The following KCTD16 variants were observed in gnomAD, a reference collection of about 807,000 sequenced individuals.
The protein encoded by KCTD16 is BTB/POZ domain-containing protein KCTD16.
KCTD16 carries 13 observed loss-of-function variants against 33.2 expected under a neutral mutation model. That is an observed-to-expected ratio of 0.39 (90% CI 0.25 to 0.62). The LOEUF (loss-of-function observed/expected upper bound fraction) is 0.62. Among genes scored for constraint, KCTD16 ranks in the 20% least tolerant of loss-of-function variants. The probability of loss-of-function intolerance (pLI) is 0.50; values close to 1 mark genes in which losing one functional copy is unlikely to be tolerated. For missense variants in KCTD16, 441 were observed against 525.1 expected (o/e 0.84, Z 1.57); for synonymous variants, 197 against 195.3 (o/e 1.01, Z -0.07).
chr5:144,171,926 G>A (rs1340431315), intron 1 of KCTD16, among the ~76,000 whole-genome samples: 2 of 152,102 alleles, frequency 1.3e-5, no homozygotes, highest in Non-Finnish European at 2.9e-5. Context: ...ATTGTGACTC[G>A]AAATAAGATG....
intron 3 of KCTD16, among the ~76,000 whole-genome samples, chr5:144,429,740 A>G (rs1580958328): frequency 1.3e-5 from 2 of 152,096 alleles, no homozygotes; most frequent in African/African-American, 4.8e-5. Context: ...GAGGAGTGAT[A>G]TTGGGCAAAC....
At chr5:144,390,076 A>G (rs1046161713) in intron 3 of KCTD16, among the ~76,000 whole-genome samples, 11 of 152,220 alleles carry the variant, frequency 7.2e-5, no homozygotes, top group African/African-American at 2.7e-4. Context: ...ATGAGTCTTT[A>G]TCATTCATCT....
At chr5:144,211,687 A>C (rs1240180486) in intron 3 of KCTD16, among the ~76,000 whole-genome samples, 1 of 152,194 alleles carries the variant, frequency 6.6e-6, no homozygotes, top group Non-Finnish European at 1.5e-5. Context: ...CATTTTGAGT[A>C]AGGGATATTC....
intron 3 of KCTD16, among the ~76,000 whole-genome samples, chr5:144,311,709 C>T (rs1280862935): frequency 1.3e-5 from 2 of 151,982 alleles, no homozygotes; most frequent in Non-Finnish European, 2.9e-5. Context: ...AATACAACTA[C>T]AAATAAAAAT....
chr5:144,230,181 G>A (rs1030337544), intron 3 of KCTD16, among the ~76,000 whole-genome samples: 6 of 152,146 alleles, frequency 3.9e-5, no homozygotes, highest in African/African-American at 9.7e-5. Context: ...GCATTGCACT[G>A]TTTAATGTTC....
chr5:144,320,124 G>C (rs890080271), intron 3 of KCTD16, among the ~76,000 whole-genome samples: 3 of 152,076 alleles, frequency 2.0e-5, no homozygotes, highest in African/African-American at 7.2e-5. Flanking sequence ...ATAAAACCAG[G>C]TAACAGTCTC....
In KCTD16 at chr5:144,323,991, A is replaced by T. The variant is rs190660816; in HGVS notation, c.832+116445A>T. ...TGAAAGCAGTAGCATTTGGAGATTT[A>T]AGATACTTGGTTATGGCTCTAAGTT... On this transcript the variant is annotated intron_variant, in intron 3 of 3. Transcript: ENST00000512467. Among the ~76,000 whole-genome samples, 163 of 152,296 alleles carry T rather than the reference A, an allele frequency of 1.1e-3. 2 individuals carry two copies. Among genetic ancestry groups the T allele is most frequent in the African/African-American group, 3.7e-3 (155 of 41,554 alleles).
intron 3 of KCTD16, among the ~76,000 whole-genome samples, chr5:144,277,278 A>G (rs945631359): frequency 1.3e-5 from 2 of 152,176 alleles, no homozygotes; most frequent in Admixed American, 6.5e-5. Context: ...AAATAGCTCA[A>G]TGCTGCTGCT....
chr5:144,289,037 C>A (rs1367263064), intron 3 of KCTD16, among the ~76,000 whole-genome samples: 1 of 151,702 alleles, frequency 6.6e-6, no homozygotes, highest in Non-Finnish European at 1.5e-5. Context: ...AACAAACAAA[C>A]AAAAAAACAA....
chr5:144,403,699 T>C (rs1752753992), intron 3 of KCTD16, among the ~76,000 whole-genome samples: 1 of 152,154 alleles, frequency 6.6e-6, no homozygotes, highest in African/African-American at 2.4e-5. Context: ...TGTAAGACAA[T>C]ATATTCACAG....
intron 3 of KCTD16, among the ~76,000 whole-genome samples, chr5:144,434,639 C>T (rs1372869149): frequency 6.6e-6 from 1 of 152,064 alleles, no homozygotes; most frequent in East Asian, 1.9e-4. Context: ...ACTGGACAAA[C>T]CTAATGATGT....
intron 3 of KCTD16, among the ~76,000 whole-genome samples, chr5:144,472,056 C>G (rs1053978013): frequency 6.6e-6 from 1 of 152,126 alleles, no homozygotes; most frequent in African/African-American, 2.4e-5. Flanking sequence ...TAAGTTTTCT[C>G]TACTTTGACT....
At chr5:144,391,128 C>T (rs1427594075) in intron 3 of KCTD16, among the ~76,000 whole-genome samples, 1 of 152,180 alleles carries the variant, frequency 6.6e-6, no homozygotes, top group Non-Finnish European at 1.5e-5. Context: ...TCCCAGCTAA[C>T]TTGGCATATT....
At chr5:144,358,517 G>A (rs1751626975) in intron 3 of KCTD16, among the ~76,000 whole-genome samples, 1 of 152,136 alleles carries the variant, frequency 6.6e-6, no homozygotes, top group Admixed American at 6.5e-5. Flanking sequence ...AACATTCGAG[G>A]CCTTTTGTAA....
chr5:144,466,240 T>G (rs1202445262), intron 3 of KCTD16, among the ~76,000 whole-genome samples: 4 of 36,130 alleles, frequency 1.1e-4, no homozygotes, highest in African/African-American at 7.8e-4. Flanking sequence ...CTAGCTAGGG[T>G]TTTTTTTTTT....
At chr5:144,296,562 G>T (rs1756043021) in intron 3 of KCTD16, among the ~76,000 whole-genome samples, 1 of 151,870 alleles carries the variant, frequency 6.6e-6, no homozygotes, top group Non-Finnish European at 1.5e-5. Context: ...TATGCTATAG[G>T]GATCCTTTTA....
In KCTD16 at chr5:144,206,811, G is replaced by T. The variant is rs751609778; in HGVS notation, c.97G>T (p.Gly33Cys). The part of the protein sequence containing the change: ...FPEVVELNVG[G>C]QVYFTRHSTL... ...TGAGGTGGTAGAGCTGAATGTCGGG[G>T]GTCAAGTTTATTTTACTCGCCATTC... The change falls in exon 3 of 4, where the codon GGT becomes TGT. Residue 33 changes from glycine (G) to cysteine (C), a missense_variant. Coordinates refer to ENST00000512467, the MANE Select transcript of KCTD16 (RefSeq NM_020768.4). 1 of 1,614,010 alleles carries T rather than the reference G, an allele frequency of 6.2e-7. No homozygotes were observed. Among genetic ancestry groups the T allele is most frequent in the African/African-American group, 1.3e-5 (1 of 75,000 alleles).
intron 3 of KCTD16, among the ~76,000 whole-genome samples, chr5:144,428,801 T>C (rs142621991): frequency 0.015 from 2,272 of 152,146 alleles, 23 homozygotes; most frequent in Middle Eastern, 0.037. Context: ...CAGTGGAAAA[T>C]TGAGTTGTCA....
intron 3 of KCTD16, among the ~76,000 whole-genome samples, chr5:144,275,275 C>A (rs1368157449): frequency 6.6e-6 from 1 of 152,180 alleles, no homozygotes; most frequent in Non-Finnish European, 1.5e-5. Context: ...AACGATCCCA[C>A]CTCCCATCTG....
Sources: gnomAD v4.1 joint callset for allele counts (sites outside exome capture counted in the v4.1 genomes callset) on GRCh38, gnomAD v4.1.1 for gene constraint, MANE v1.5 for transcripts, NCBI Gene and HGNC (gene_info 2026-07-23, HGNC 2026-07-21) for gene names.